NEDD4: variants seen among roughly 807,000 people sequenced by gnomAD.
The protein encoded by NEDD4 is E3 ubiquitin-protein ligase NEDD4.
NEDD4 carries 99 observed loss-of-function variants against 144.9 expected under a neutral mutation model. The observed-to-expected ratio is 0.68, with a 90% confidence interval of 0.58 to 0.81. The LOEUF (loss-of-function observed/expected upper bound fraction) is 0.81, where lower values mean the gene tolerates loss of function less well. Among genes scored for constraint, NEDD4 ranks in the 30% least tolerant of loss-of-function variants. The pLI is 0.00. For missense variants in NEDD4, 985 were observed against 1,065.9 expected (o/e 0.92, Z 1.06); for synonymous variants, 318 against 350.6 (o/e 0.91, Z 1.04).
chr15:55,942,821 A>G (rs562341558), intron 4 of NEDD4, among the ~76,000 whole-genome samples: 65 of 152,328 alleles, frequency 4.3e-4, no homozygotes, highest in African/African-American at 1.5e-3. Context: ...CAGTTTGGAG[A>G]GATCAGAAGA....
At chr15:55,889,893 G>C in intron 5 of NEDD4, among the ~76,000 whole-genome samples, 1 of 152,004 alleles carries the variant, frequency 6.6e-6, no homozygotes, top group South Asian at 2.1e-4. Context: ...AGTAGAGATG[G>C]GGTTTCACTG....
At chr15:55,930,105 A>C (rs1318875729) in intron 4 of NEDD4, among the ~76,000 whole-genome samples, 3 of 152,224 alleles carry the variant, frequency 2.0e-5, no homozygotes, top group African/African-American at 7.2e-5. Flanking sequence ...GAGGCTGGGC[A>C]AATTATGGCT....
intron 2 of NEDD4, among the ~76,000 whole-genome samples, chr15:55,952,051 G>A (rs1425829094): frequency 6.6e-6 from 1 of 151,304 alleles, no homozygotes; most frequent in Non-Finnish European, 1.5e-5. Context: ...AGGTGTGGCC[G>A]CGCACGGTGG....
intron 5 of NEDD4, among the ~76,000 whole-genome samples, chr15:55,895,448 A>C (rs1380036221): frequency 6.6e-6 from 1 of 152,228 alleles, no homozygotes; most frequent in Non-Finnish European, 1.5e-5. Context: ...TAAGTGTGAG[A>C]AGGTGAATTT....
rs536015451 is a variant in NEDD4, at chr15:55,906,966, G to A, written c.291+17680C>T. On this transcript the variant is annotated intron_variant, in intron 5 of 28. Transcript: ENST00000435532. ...AAAAAATTAGCCAGACAGGTGGCAC[G>A]TACCTGTAATCCCAGCTGCTCGGGA... Among the ~76,000 whole-genome samples, 36 of 151,834 alleles carry A rather than the reference G, an allele frequency of 2.4e-4. 1 individual carries two copies. Among genetic ancestry groups the A allele is most frequent in the Admixed American group, 4.6e-4 (7 of 15,260 alleles).
intron 4 of NEDD4, among the ~76,000 whole-genome samples, chr15:55,946,604 A>C (rs566389328): frequency 1.3e-5 from 2 of 152,220 alleles, no homozygotes; most frequent in African/African-American, 4.8e-5. Context: ...TCAATGAGAC[A>C]GAAAGTTAAC....
intron 16 of NEDD4, 37 bp downstream of exon 16, chr15:55,848,484 C>G (rs1171529306): frequency 1.9e-6 from 3 of 1,612,596 alleles, no homozygotes; most frequent in Non-Finnish European, 2.5e-6. Flanking sequence ...AAATTTATTA[C>G]AAAAAATAAC....
intron 4 of NEDD4, among the ~76,000 whole-genome samples, chr15:55,941,478 TA>T (rs2037003130): frequency 6.6e-6 from 1 of 152,198 alleles, no homozygotes; most frequent in Admixed American, 6.5e-5. Context: ...GAAACTTGTT[TA>T]ATTTCTAAAC....
intron 1 of NEDD4, among the ~76,000 whole-genome samples, chr15:55,977,223 C>G (rs2037719243): frequency 6.6e-6 from 1 of 152,134 alleles, no homozygotes. Flanking sequence ...TGATGGTGGT[C>G]CCATAAAATA....
chr15:55,904,598 C>T (rs969429534), intron 5 of NEDD4, among the ~76,000 whole-genome samples: 2 of 152,102 alleles, frequency 1.3e-5, no homozygotes, highest in East Asian at 1.9e-4. Context: ...CCACCACACC[C>T]GGCGTATTTC....
At chr15:55,874,104 GTT>G (rs139714439) in intron 5 of NEDD4, 96 bp from the exon 6 acceptor site, 1 of 571,654 alleles carries the variant, frequency 1.7e-6, no homozygotes, top group South Asian at 2.9e-5. Flanking sequence ...AAAATGTAGA[GTT>G]TTTTTTTTAT....
At position 55,838,176 on chromosome 15, in the gene NEDD4, T is replaced by C. The variant is rs754058098; in HGVS notation, c.2132A>G (p.His711Arg). The C allele has an allele frequency of 3.1e-6, 5 of 1,594,058 alleles. No homozygotes were observed. The Admixed American group carries it at 8.5e-5, about 27-fold the overall frequency. ...TCCACCATTTTTCAGCTCATGTTGA[T>C]GTGTCTAAAATTAAACACAATAACT... ...IIDEELFGQT[H>R]QHELKNGGSE... The change falls in exon 23 of 29, where the codon CAT becomes CGT. Residue 711 changes from histidine to arginine, a missense_variant. Physicochemically the swap from His to Arg is conservative, Grantham distance 29 (BLOSUM62 0). Coordinates refer to ENST00000435532, the MANE Select transcript of NEDD4 (RefSeq NM_006154.4).
At chr15:55,967,777 T>G (rs1207889783) in intron 1 of NEDD4, among the ~76,000 whole-genome samples, 1 of 151,698 alleles carries the variant, frequency 6.6e-6, no homozygotes, top group Non-Finnish European at 1.5e-5. Context: ...TCACAGCACT[T>G]TGGGTGGCCA....
rs1244846577 is a variant in NEDD4 at position 55,873,920 on chromosome 15, A to G, written c.342+38T>C. On this transcript the variant is annotated intron_variant, in intron 6 of 28. Coordinates refer to ENST00000435532, the MANE Select transcript of NEDD4 (RefSeq NM_006154.4). ...TGTAAGTATTTATTAAATTAAAAAA[A>G]TAAGCCCAAAAGGAAAATCATGGAC... is the stretch of plus-strand genomic sequence containing the variant. The G allele has an allele frequency of 8.8e-6, 11 of 1,255,104 alleles. No homozygotes were observed. The African/African-American group carries it at 1.2e-4, about 14-fold the overall frequency. 77.7% of individuals were successfully genotyped at this position (1,255,104 alleles called of 1,614,324 possible). A position where few individuals can be genotyped will look rare whatever the true frequency, so the allele number is the denominator to read the frequency against.
chr15:55,901,807 C>G (rs2035922904), intron 5 of NEDD4, among the ~76,000 whole-genome samples: 1 of 152,026 alleles, frequency 6.6e-6, no homozygotes, highest in Admixed American at 6.6e-5. Context: ...GACACTCTCA[C>G]AACAATATAA....
chr15:55,960,880 C>T (rs2037413746), intron 2 of NEDD4, among the ~76,000 whole-genome samples: 1 of 152,226 alleles, frequency 6.6e-6, no homozygotes, highest in Admixed American at 6.5e-5. Flanking sequence ...CACTAGTTGA[C>T]TGTGCATGTC....
intron 4 of NEDD4, among the ~76,000 whole-genome samples, chr15:55,945,844 G>C (rs1004622921): frequency 2.0e-5 from 3 of 152,060 alleles, no homozygotes; most frequent in African/African-American, 7.2e-5. Flanking sequence ...GAAGACAGTG[G>C]GGGCCAATAT....
intron 5 of NEDD4, among the ~76,000 whole-genome samples, chr15:55,897,536 C>G (rs538002556): frequency 6.6e-6 from 1 of 152,202 alleles, no homozygotes; most frequent in Non-Finnish European, 1.5e-5. Flanking sequence ...TTGCCCATTT[C>G]AAAAGGGTCA....
At chr15:55,927,693 G>T (rs1035987200) in intron 4 of NEDD4, among the ~76,000 whole-genome samples, 8 of 152,146 alleles carry the variant, frequency 5.3e-5, no homozygotes, top group Non-Finnish European at 1.2e-4. Context: ...AAGGAGAAAT[G>T]ACATAATTTA....
Sources: allele counts gnomAD v4.1 joint callset (sites outside exome capture counted in the v4.1 genomes callset), GRCh38; gene constraint gnomAD v4.1.1; transcripts MANE v1.5; gene names NCBI Gene and HGNC (gene_info 2026-07-23, HGNC 2026-07-21).